ZNF705A: variants seen among roughly 807,000 people sequenced by gnomAD.
ZNF705A encodes the protein zinc finger protein 705A.
Under a neutral mutation model 16.6 loss-of-function variants are expected in ZNF705A, and 8 were observed. That is an observed-to-expected ratio of 0.48 (90% CI 0.28 to 0.87). ZNF705A has a LOEUF of 0.87. ZNF705A is among the 40% of genes least tolerant of loss of function. The pLI, the probability that ZNF705A is intolerant of heterozygous loss-of-function variation, is 0.10. For synonymous variants in ZNF705A, 73 were observed against 117.3 expected, an observed-to-expected ratio of 0.62 and a Z score of 2.44; for missense variants, 233 against 359.9, an observed-to-expected ratio of 0.65 and a Z score of 2.85.
At chr12:8,168,168 G>C (rs189512341), upstream of ZNF705A, among the ~76,000 whole-genome samples, 1 of 152,250 alleles carries the variant, frequency 6.6e-6, no homozygotes, top group Admixed American at 6.5e-5. Context: ...CCAAGAAGTT[G>C]CTTCTTCCTG....
chr12:8,158,746 C>T (rs138503738), intron 1 of ZNF705A, among the ~76,000 whole-genome samples: 24 of 152,096 alleles, frequency 1.6e-4, no homozygotes, highest in East Asian at 3.9e-4. Flanking sequence ...TTTTTCTTTA[C>T]GTTTTTTTCT....
At chr12:8,157,710 C>A (rs1427567546) in intron 1 of ZNF705A, among the ~76,000 whole-genome samples, 1 of 152,064 alleles carries the variant, frequency 6.6e-6, no homozygotes, top group Non-Finnish European at 1.5e-5. Context: ...AATTTGTATA[C>A]CACAAAATAT....
chr12:8,169,604 A>G (rs1415442028), upstream of ZNF705A, among the ~76,000 whole-genome samples: 1 of 152,188 alleles, frequency 6.6e-6, no homozygotes, highest in Non-Finnish European at 1.5e-5. Flanking sequence ...GAAGTGAGAG[A>G]ATCTACTAAA....
intron 1 of ZNF705A, among the ~76,000 whole-genome samples, chr12:8,159,345 C>A (rs778582388): frequency 7.2e-5 from 11 of 152,258 alleles, no homozygotes; most frequent in Non-Finnish European, 1.0e-4. Flanking sequence ...AGTGAGATTG[C>A]TGGATCAAAT....
rs1187876665 is a variant in ZNF705A at position 8,174,322 on chromosome 12, T to G, written c.13-4T>G. ...TCTAAACTAAAATGTCTGTGATGTT[T>G]TAGAAGAAAGTGACTTTTGAAGATG... On this transcript the variant is annotated splice_polypyrimidine_tract_variant and splice_region_variant and intron_variant, in intron 1 of 4. Coordinates refer to ENST00000359286, the Ensembl canonical transcript of ZNF705A. The G allele has an allele frequency of 6.3e-7, 1 of 1,595,030 alleles. No homozygotes were observed. The highest frequency in any genetic ancestry group is 1.3e-5 in the African/African-American group (1 of 74,776).
At chr12:8,179,401 C>G (rs932185944) in exon 5 of ZNF705A, 1 of 152,192 alleles carries the variant, frequency 6.6e-6, no homozygotes, top group Non-Finnish European at 1.5e-5. Context: ...AATGAAAGTT[C>G]TCACAGAGGG....
chr12:8,159,515 G>A (rs944453089), intron 1 of ZNF705A, among the ~76,000 whole-genome samples: 1 of 152,016 alleles, frequency 6.6e-6, no homozygotes, highest in African/African-American at 2.4e-5. Context: ...CAGGAGTAAG[G>A]TCGTATCACA....
At chr12:8,175,901 C>T (rs1565416575) in exon 4 of ZNF705A, 3 of 1,611,500 alleles carry the variant, frequency 1.9e-6, no homozygotes, top group South Asian at 1.1e-5. Context: ...GATATCCATG[C>T]ATCCTATCAC....
rs1343254688 is a variant in ZNF705A at position 8,177,144 on chromosome 12, A to G, written c.464A>G (p.Asn155Ser). The change falls in exon 5 of 5, where the codon AAT becomes AGT. Residue 155 changes from asparagine to serine, a missense_variant. Physicochemically the swap from Asn to Ser is conservative, Grantham distance 46. Coordinates refer to ENST00000359286, the Ensembl canonical transcript of ZNF705A. ...AAACAGTGTGGAAAATCTCTTCGTA[A>G]TCTTTTCTCCCCTAAACCACATAAA... 15 of 1,611,864 alleles carry G rather than the reference A, an allele frequency of 9.3e-6. No homozygotes were observed. The highest frequency in any genetic ancestry group is 2.2e-4 in the Middle Eastern group (1 of 4,452).
At chr12:8,158,894 T>C (rs1462196396) in intron 1 of ZNF705A, among the ~76,000 whole-genome samples, 1 of 152,152 alleles carries the variant, frequency 6.6e-6, no homozygotes, top group Non-Finnish European at 1.5e-5. Flanking sequence ...TGGTGATTTG[T>C]GAGATTTTGG....
At chr12:8,177,713 A>G (rs1202730735) in exon 5 of ZNF705A, 8 of 1,374,736 alleles carry the variant, frequency 5.8e-6, no homozygotes, top group Non-Finnish European at 7.8e-6. Context: ...CTTCTTCAGA[A>G]CATATTCTGA....
exon 5 of ZNF705A, chr12:8,178,785 C>T (rs1485531418): frequency 6.6e-6 from 1 of 152,154 alleles, no homozygotes; most frequent in African/African-American, 2.4e-5. Context: ...TTGGCGAAGC[C>T]CTTGTTTCAT....
chr12:8,165,520 TA>T lies in ZNF705A; in HGVS notation c.-71-7025del, dbSNP rs200863977. ...CGTGTTAGCCAGATCTTTGCCCATT[TA>T]AAAAAAAAATTCAACTTTTATTTTA... On this transcript the variant is annotated intron_variant, in intron 1 of 5. Transcript: ENST00000396570. Among the ~76,000 whole-genome samples the T allele has an allele frequency of 3.2e-3, 475 of 147,842 alleles. 1 individual carries two copies. The highest frequency in any genetic ancestry group is 0.01 in the Middle Eastern group (3 of 290).
At chr12:8,168,204 G>T (rs538125574), upstream of ZNF705A, among the ~76,000 whole-genome samples, 75 of 152,240 alleles carry the variant, frequency 4.9e-4, no homozygotes, top group African/African-American at 1.6e-3. Flanking sequence ...TCACATTTTT[G>T]ATGTTAACAG....
upstream of ZNF705A, among the ~76,000 whole-genome samples, chr12:8,167,861 A>G (rs1948413023): frequency 6.6e-6 from 1 of 152,226 alleles, no homozygotes. Flanking sequence ...AAGGCTTTAG[A>G]ACAGGAAGGA....
At chr12:8,172,874 A>G (rs1948456043) in intron 1 of ZNF705A, among the ~76,000 whole-genome samples, 1 of 152,222 alleles carries the variant, frequency 6.6e-6, no homozygotes, top group Admixed American at 6.5e-5. Context: ...AGACTCCTAA[A>G]TTATCAATAT....
chr12:8,163,235 T>C (rs2120702042), intron 1 of ZNF705A, among the ~76,000 whole-genome samples: 1 of 152,336 alleles, frequency 6.6e-6, no homozygotes, highest in Middle Eastern at 3.4e-3. Context: ...ATCAGGGGAT[T>C]CTCAATCATT....
chr12:8,170,196 C>CAAAAA (rs1188328005), upstream of ZNF705A, among the ~76,000 whole-genome samples: 48 of 126,532 alleles, frequency 3.8e-4, 4 homozygotes, highest in African/African-American at 1.7e-3. Flanking sequence ...CCCCCCCCCC[C>CAAAAA]AAAAAAAAAA....
At chr12:8,167,341 T>C (rs1414400544) in intron 1 of ZNF705A, among the ~76,000 whole-genome samples, 3 of 152,346 alleles carry the variant, frequency 2.0e-5, no homozygotes, top group Non-Finnish European at 4.4e-5. Flanking sequence ...GTGAGGGTTT[T>C]TAGTAGTAGT....
Sources: allele counts gnomAD v4.1 joint callset (sites outside exome capture counted in the v4.1 genomes callset), GRCh38; gene constraint gnomAD v4.1.1; transcripts MANE v1.5; gene names NCBI Gene and HGNC (gene_info 2026-07-23, HGNC 2026-07-21).